CD101: variants seen among roughly 807,000 people sequenced by gnomAD.
CD101 encodes the protein immunoglobulin superfamily member 2.
A neutral mutation model predicts 98.2 loss-of-function variants in CD101; 76 were observed. The observed-to-expected ratio is 0.77, with a 90% CI of 0.64 to 0.94. The LOEUF (loss-of-function observed/expected upper bound fraction) is 0.94. CD101 is among the 40% of genes least tolerant of loss of function. The pLI, the probability that CD101 is intolerant of heterozygous loss-of-function variation, is 0.00. For synonymous variants in CD101, 471 were observed against 472.7 expected (o/e 1.00, Z 0.05); for missense variants, 1,145 against 1,218.8 (o/e 0.94, Z 0.90).
rs150584407 is a variant in CD101, at chr1:117,017,217, G to T, written c.1356G>T (p.Arg452=). Reference sequence around the variant, plus strand: ...CTGTGAGCTGGTGGCACATCCCACGGGACCAGACACAGCCCGAGTTTGTGG... The same window carrying T: ...CTGTGAGCTGGTGGCACATCCCACGTGACCAGACACAGCCCGAGTTTGTGG... The part of the protein sequence containing the change: ...PLSVSWWHIP[R]DQTQPEFVAG... Residue 452 remains arginine, a synonymous_variant, in exon 5 of 10, where the codon CGG becomes CGT. Transcript: ENST00000682167. The T allele has an allele frequency of 1.6e-5, 26 of 1,614,224 alleles. No individual in the cohort carries two copies. The African/African-American group carries it at 3.1e-4, about 19-fold the overall frequency.
rs1570715554 is a variant in CD101, at chr1:117,010,467, T to C, written c.424+237T>C. Among the ~76,000 whole-genome samples the C allele has an allele frequency of 6.6e-6, 1 of 152,250 alleles. No homozygotes were observed. The highest frequency in any genetic ancestry group is 1.9e-4 in the East Asian group (1 of 5,198). ...TAAATATTTAGATGGTGTGTGGTTT[T>C]CCCAAGGCCTTGTCCGCAGCTCTCC... is the stretch of plus-strand genomic sequence containing the variant. On this transcript the variant is annotated intron_variant, in intron 2 of 9. Coordinates refer to ENST00000682167, the MANE Select transcript of CD101 (RefSeq NM_001256106.3). The surrounding 1 kb of genome is among the most constrained non-coding windows in gnomAD (Gnocchi z 5.2).
Position 117,033,766 on chromosome 1 carries a change from C to T in CD101, c.2825-94C>T, listed in dbSNP as rs774662262. 4.6e-6 allele frequency: 7 copies of T among 1,533,530 alleles called. No homozygotes were observed. The highest frequency in any genetic ancestry group is 6.2e-6 in the Non-Finnish European group (7 of 1,127,484). 95.0% of individuals were successfully genotyped at this position (1,533,530 alleles called of 1,614,324 possible). A position where few individuals can be genotyped will look rare whatever the true frequency, so the allele number is the denominator to read the frequency against. On this transcript the variant is annotated intron_variant, in intron 8 of 9. Transcript: ENST00000682167. This position sits in a 1 kb window ranked among gnomAD's most constrained non-coding sequence, Gnocchi z 4.8. Reference sequence around the variant, plus strand: ...TTTGGCCCCATTATTTTTACATATACTTGCCTATAACAATAAATCCCAGGA... The same window carrying T: ...TTTGGCCCCATTATTTTTACATATATTTGCCTATAACAATAAATCCCAGGA...
chr1:117,011,820 T>G lies in CD101; in HGVS notation c.695T>G (p.Phe232Cys), dbSNP rs769919424. ...VQLNKLGPTT[F>C]RLSIERLQSS... ...CTCAACAAACTGGGACCCACTACAT[T>G]CAGGCTGTCCATAGAGAGGCTCCAG... Residue 232 changes from phenylalanine to cysteine, a missense_variant, in exon 3 of 10, where the codon TTC (phenylalanine) becomes TGC (cysteine). Physicochemically the swap from Phe to Cys is radical, Grantham distance 205. Transcript: ENST00000682167. 6.2e-6 allele frequency: 10 copies of G among 1,613,990 alleles called. No individual in the cohort carries two copies. Among genetic ancestry groups the G allele is most frequent in the Non-Finnish European group, 5.1e-6 (6 of 1,180,016 alleles).
rs1653422609 is a variant in CD101, at chr1:117,019,141, TTC to T, written c.2017+587_2017+588del. ...GCAAAGTTCTGCTGTGTCATGTATCTTCTCTCTTATAGTTTGCATTCTCTTAG... is the reference window on the plus strand; with the variant it reads ...GCAAAGTTCTGCTGTGTCATGTATCTTCTCTTATAGTTTGCATTCTCTTAG... On this transcript the variant is annotated intron_variant, in intron 6 of 9. Transcript: ENST00000682167. This position sits in a 1 kb window ranked among gnomAD's most constrained non-coding sequence, Gnocchi z 4.3. Among the ~76,000 whole-genome samples, 1 of 152,250 alleles carries T rather than the reference TTC, an allele frequency of 6.6e-6. No individual in the cohort carries two copies. Among genetic ancestry groups the T allele is most frequent in the Non-Finnish European group, 1.5e-5 (1 of 68,046 alleles).
In CD101 at chr1:117,022,124, C is replaced by A; in HGVS notation, c.2428+141C>A. ...AACAGTATCTACCTACACATGACTGCAAGACCGAGTAGTCCACCAAAGGAG... is the reference window on the plus strand; with the variant it reads ...AACAGTATCTACCTACACATGACTGAAAGACCGAGTAGTCCACCAAAGGAG... On this transcript the variant is annotated intron_variant, in intron 7 of 9. Coordinates refer to ENST00000682167, the MANE Select transcript of CD101 (RefSeq NM_001256106.3). This position sits in a 1 kb window ranked among gnomAD's most constrained non-coding sequence, Gnocchi z 4.8. 1.1e-6 allele frequency: 1 copy of A among 932,204 alleles called. No homozygotes were observed. The highest frequency in any genetic ancestry group is 1.6e-6 in the Non-Finnish European group (1 of 627,630). The allele number at this position is 932,204 out of a possible 1,614,324, so 57.7% of individuals were successfully genotyped here. A position where few individuals can be genotyped will look rare whatever the true frequency, so the allele number is the denominator to read the frequency against.
At chr1:117,024,173 G>A (rs1653757345) in intron 7 of CD101, among the ~76,000 whole-genome samples, 1 of 152,234 alleles carries the variant, frequency 6.6e-6, no homozygotes, top group Admixed American at 6.5e-5. Flanking sequence ...TTCTCTTAAA[G>A]ACAGATTAAT....
intron 4 of CD101, among the ~76,000 whole-genome samples, chr1:117,015,328 G>C (rs1477134935): frequency 6.6e-6 from 1 of 151,712 alleles, no homozygotes; most frequent in Non-Finnish European, 1.5e-5. Context: ...GGCAGTAATG[G>C]CCACAATGAA....
intron 8 of CD101, chr1:117,032,666 C>T (rs1654536321): frequency 6.6e-6 from 1 of 152,236 alleles, no homozygotes. Flanking sequence ...TATTTCAGAA[C>T]AGCCCTGATT....
rs774498097 is a variant in CD101, at chr1:117,001,796, A to G, written c.-22A>G. 1.9e-6 allele frequency: 3 copies of G among 1,612,270 alleles called. No homozygotes were observed. The highest frequency in any genetic ancestry group is 2.2e-5 in the South Asian group (2 of 90,974). On this transcript the variant is annotated 5_prime_UTR_variant, in exon 1 of 10. Coordinates refer to ENST00000682167, the MANE Select transcript of CD101 (RefSeq NM_001256106.3). ...GAATGTTAGTGACACTATTGGGACG[A>G]AAAAGGACTGTGCTGGCCCAAATGG...
intron 1 of CD101, among the ~76,000 whole-genome samples, chr1:117,009,021 T>C (rs554061753): frequency 2.0e-5 from 3 of 152,374 alleles, no homozygotes; most frequent in Admixed American, 6.5e-5. Context: ...TTTTGATTTC[T>C]GAAAAATGCT....
chr1:117,011,115 A>T (rs138656935), intron 2 of CD101, among the ~76,000 whole-genome samples: 2 of 152,186 alleles, frequency 1.3e-5, no homozygotes, highest in African/African-American at 2.4e-5. Context: ...AACAGCCATT[A>T]TTACATTATT....
Position 117,023,132 on chromosome 1 carries a change from T to A in CD101, c.2428+1149T>A, listed in dbSNP as rs1484790697. 6.6e-6 allele frequency among the ~76,000 whole-genome samples: 1 copy of A among 152,350 alleles called. No individual in the cohort carries two copies. Among genetic ancestry groups the A allele is most frequent in the East Asian group, 1.9e-4 (1 of 5,190 alleles). The stretch of plus-strand genomic sequence containing the variant: ...CATTTCTACTTGGATGCCCCCATAC[T>A]CAGCATGCCCTAAATTGCACTTAGC... On this transcript the variant is annotated intron_variant, in intron 7 of 9. Coordinates refer to ENST00000682167, the MANE Select transcript of CD101 (RefSeq NM_001256106.3). The surrounding 1 kb of genome is among the most constrained non-coding windows in gnomAD (Gnocchi z 4.4).
chr1:117,024,498 TAAA>T (rs1557775520), intron 7 of CD101, among the ~76,000 whole-genome samples: 2 of 1,030 alleles, frequency 1.9e-3, no homozygotes, highest in Non-Finnish European at 0.01. Context: ...AAAATAAAAA[TAAA>T]TAAATAAATA....
rs1213134103 is a variant in CD101 at position 117,018,070 on chromosome 1, A to G, written c.1613-86A>G. ...AATGTACAAATGCATGGTCCTAGTC[A>G]AAGAGGTGGCAACTAGAAAAACTTG... is the stretch of plus-strand genomic sequence containing the variant. On this transcript the variant is annotated intron_variant, in intron 5 of 9. Transcript: ENST00000682167. The surrounding 1 kb of genome is among the most constrained non-coding windows in gnomAD (Gnocchi z 4.3). 1.7e-6 allele frequency: 2 copies of G among 1,161,614 alleles called. No individual in the cohort carries two copies. Among genetic ancestry groups the G allele is most frequent in the Non-Finnish European group, 1.2e-6 (1 of 835,934 alleles). The allele number at this position is 1,161,614 out of a possible 1,614,324, so 72.0% of individuals were successfully genotyped here.
At position 117,036,385 on chromosome 1, in the gene CD101, A is replaced by T. The variant is rs1225701449; in HGVS notation, c.*251A>T. ...CAGGACGACTCACTGCGGCTGCGCC[A>T]CTGGGACCCCTCCCCTACATGCACC... On this transcript the variant is annotated 3_prime_UTR_variant, in exon 10 of 10. Coordinates refer to ENST00000682167, the MANE Select transcript of CD101 (RefSeq NM_001256106.3). The surrounding 1 kb of genome is among the most constrained non-coding windows in gnomAD (Gnocchi z 5.0). The T allele has an allele frequency of 6.6e-6, 1 of 152,300 alleles. No homozygotes were observed. Among genetic ancestry groups the T allele is most frequent in the African/African-American group, 2.4e-5 (1 of 41,426 alleles). The allele number at this position is 152,300 out of a possible 1,614,324, so 9.4% of individuals were successfully genotyped here. A position where few individuals can be genotyped will look rare whatever the true frequency, so the allele number is the denominator to read the frequency against.
At chr1:117,029,192 A>AGTAGAT (rs1557778759) in intron 8 of CD101, among the ~76,000 whole-genome samples, 1 of 72,552 alleles carries the variant, frequency 1.4e-5, no homozygotes, top group African/African-American at 6.3e-5. Context: ...AGAAAGAAAG[A>AGTAGAT]AAGAAAGAAA....
At position 117,029,215 on chromosome 1, in the gene CD101, A is replaced by AG. The variant is rs1654222270; in HGVS notation, c.2824+3311_2824+3312insG. The stretch of plus-strand genomic sequence containing the variant: ...AGAAAGAAAGAAAGAAAAGAAAGAA[A>AG]AGAAAGAAAGAAAGAAAGAAAGAAA... On this transcript the variant is annotated intron_variant, in intron 8 of 9. Transcript: ENST00000682167. Among the ~76,000 whole-genome samples, 11 of 25,576 alleles carry AG rather than the reference A, an allele frequency of 4.3e-4. 1 individual carries two copies. Among genetic ancestry groups the AG allele is most frequent in the East Asian group, 1.1e-3 (1 of 888 alleles). 16.8% of individuals were successfully genotyped at this position (25,576 alleles called of 152,430 possible).
rs1654607419 is a variant in CD101, at chr1:117,033,667, A to T, written c.2825-193A>T. Among the ~76,000 whole-genome samples, 1 of 152,170 alleles carries T rather than the reference A, an allele frequency of 6.6e-6. No homozygotes were observed. The highest frequency in any genetic ancestry group is 1.5e-5 in the Non-Finnish European group (1 of 68,036). On this transcript the variant is annotated intron_variant, in intron 8 of 9. Transcript: ENST00000682167. This position sits in a 1 kb window ranked among gnomAD's most constrained non-coding sequence, Gnocchi z 4.8. ...CAGGGCAAGGGGCTGTTGCATTAGA[A>T]GAGCCTGTTCCAGGAGCTCTCTTCC...
intron 7 of CD101, 87 bp from the exon 8 acceptor site, chr1:117,025,422 T>A: frequency 8.8e-7 from 1 of 1,136,524 alleles, no homozygotes. Context: ...GAATATAAGA[T>A]CTTCCCAGTG....
Sources: gnomAD v4.1 joint callset for allele counts (sites outside exome capture counted in the v4.1 genomes callset) on GRCh38, gnomAD v4.1.1 for gene constraint, Gnocchi (gnomAD v3.1) non-coding constraint, MANE v1.5 for transcripts, NCBI Gene and HGNC (gene_info 2026-07-23, HGNC 2026-07-21) for gene names.